Variants in KAZN observed in about 807,000 individuals in gnomAD.
The protein encoded by KAZN is kazrin, periplakin interacting protein, also known as kazrin.
In KAZN, 40 loss-of-function variants were observed where a neutral mutation model predicts 87.4. The observed-to-expected ratio is 0.46, with a 90% CI of 0.36 to 0.60. KAZN has a LOEUF of 0.60. Among genes scored for constraint, KAZN ranks in the 20% least tolerant of loss-of-function variants. KAZN has a pLI of 0.00. For missense variants in KAZN, 898 were observed against 1,073.9 expected, an observed-to-expected ratio of 0.84 and a Z score of 2.29; for synonymous variants, 466 against 458.3, an observed-to-expected ratio of 1.02 and a Z score of -0.22.
chr1:14,385,318 T>A (rs1334764961), intron 2 of KAZN, among the ~76,000 whole-genome samples: 3 of 152,240 alleles, frequency 2.0e-5, no homozygotes, highest in African/African-American at 2.4e-5. Flanking sequence ...TTCCTTCAGT[T>A]CTGCTCTGAT....
chr1:14,955,008 A>G (rs1404648420), intron 1 of KAZN, among the ~76,000 whole-genome samples: 1 of 152,210 alleles, frequency 6.6e-6, no homozygotes, highest in Non-Finnish European at 1.5e-5. Flanking sequence ...CAGTGCAGCT[A>G]TAGACCCTGC....
At chr1:14,847,665 T>G (rs957806144) in intron 1 of KAZN, among the ~76,000 whole-genome samples, 19 of 152,186 alleles carry the variant, frequency 1.2e-4, no homozygotes, top group African/African-American at 4.6e-4. Context: ...TTCCATTCAG[T>G]GCAGCATTCC....
chr1:14,135,013 A>ACACACACACACACACACACG, intron 1 of KAZN, among the ~76,000 whole-genome samples: 1 of 77,156 alleles, frequency 1.3e-5, no homozygotes, highest in East Asian at 8.5e-4. Flanking sequence ...ATGTGCACAC[A>ACACACACACACACACACACG]TGCACACATA....
rs1235984778 is a variant in KAZN at position 14,173,900 on chromosome 1, AAG to A, written c.92-6530_92-6529del. Among the ~76,000 whole-genome samples the A allele has an allele frequency of 2.6e-5, 4 of 152,304 alleles. No individual in the cohort carries two copies. In the East Asian group the frequency reaches 5.8e-4, roughly 22 times the overall value. On this transcript the variant is annotated intron_variant, in intron 1 of 16. Coordinates refer to the KAZN transcript ENST00000636203. ...CATGGAAAGAATGTTCCTACAAAAT[AAG>A]AGAGCTGCTTTTATTAGAAGAGGGA...
intron 13 of KAZN, among the ~76,000 whole-genome samples, chr1:15,109,969 TTGTA>T (rs1319041354): frequency 2.2e-5 from 3 of 135,802 alleles, no homozygotes; most frequent in Non-Finnish European, 4.9e-5. Context: ...ATATGTGTGT[TTGTA>T]TGTTTGTATG....
At chr1:14,393,924 T>C (rs1662670618) in intron 2 of KAZN, among the ~76,000 whole-genome samples, 1 of 151,634 alleles carries the variant, frequency 6.6e-6, no homozygotes, top group African/African-American at 2.4e-5. Flanking sequence ...TTTTTTAATG[T>C]AGTTGGAAAG....
intron 2 of KAZN, among the ~76,000 whole-genome samples, chr1:14,493,691 A>T (rs1456150703): frequency 6.6e-6 from 1 of 152,172 alleles, no homozygotes; most frequent in African/African-American, 2.4e-5. Context: ...ATCTTCTCCA[A>T]TTCCATGAAG....
chr1:14,194,274 GT>G (rs1646481788), intron 2 of KAZN, among the ~76,000 whole-genome samples: 2 of 152,144 alleles, frequency 1.3e-5, no homozygotes, highest in Admixed American at 6.6e-5. Context: ...TGTGGACAGA[GT>G]CATGCTGCTA....
chr1:14,278,655 T>C (rs1010299360), intron 2 of KAZN, among the ~76,000 whole-genome samples: 2 of 152,216 alleles, frequency 1.3e-5, no homozygotes, highest in African/African-American at 4.8e-5. Flanking sequence ...CATCATTTTT[T>C]ATCTGTTGAT....
chr1:13,899,044 T>C (rs1332489024), intron 1 of KAZN, among the ~76,000 whole-genome samples: 1 of 152,224 alleles, frequency 6.6e-6, no homozygotes, highest in Non-Finnish European at 1.5e-5. Flanking sequence ...TCCATGGGAA[T>C]GGGAGCACAG....
intron 4 of KAZN, among the ~76,000 whole-genome samples, chr1:15,049,100 C>CT (rs1674012516): frequency 7.8e-6 from 1 of 127,620 alleles, no homozygotes; most frequent in African/African-American, 3.7e-5. Flanking sequence ...GACGGCTTTG[C>CT]CGGGAGGCTT....
intron 1 of KAZN, among the ~76,000 whole-genome samples, chr1:14,695,989 C>CACA (rs1641582446): frequency 6.6e-6 from 1 of 152,176 alleles, no homozygotes; most frequent in East Asian, 1.9e-4. Context: ...CGTGTTGATA[C>CACA]ACAACATGTT....
At chr1:14,020,542 CTG>C (rs1553185827) in intron 1 of KAZN, among the ~76,000 whole-genome samples, 1 of 152,196 alleles carries the variant, frequency 6.6e-6, no homozygotes, top group Non-Finnish European at 1.5e-5. Context: ...TGCTGTAAAA[CTG>C]TGTTAAAGTG....
intron 1 of KAZN, among the ~76,000 whole-genome samples, chr1:14,775,735 C>T (rs1645156907): frequency 6.6e-6 from 1 of 152,224 alleles, no homozygotes; most frequent in South Asian, 2.1e-4. Flanking sequence ...TATCTTGAAG[C>T]AGGAGAAAGG....
intron 1 of KAZN, among the ~76,000 whole-genome samples, chr1:14,930,791 G>A (rs1659725295): frequency 6.6e-6 from 1 of 151,920 alleles, no homozygotes; most frequent in African/African-American, 2.4e-5. Context: ...AGAGTCACAG[G>A]ACTTTTCTTC....
At chr1:14,793,580 G>A (rs1405702469) in intron 1 of KAZN, among the ~76,000 whole-genome samples, 3 of 152,148 alleles carry the variant, frequency 2.0e-5, no homozygotes, top group African/African-American at 4.8e-5. Context: ...GGGTTATTGT[G>A]AGGATTAAGT....
Position 14,996,695 on chromosome 1 carries a change from G to A in KAZN, c.418+35820G>A, listed in dbSNP as rs147940125. Among the ~76,000 whole-genome samples, 143 of 152,274 alleles carry A rather than the reference G, an allele frequency of 9.4e-4. No homozygotes were observed. Among genetic ancestry groups the A allele is most frequent in the South Asian group, 2.1e-3 (10 of 4,824 alleles). On this transcript the variant is annotated intron_variant, in intron 2 of 14. Coordinates refer to ENST00000376030, the MANE Select transcript of KAZN (RefSeq NM_201628.3). This position sits in a 1 kb window ranked among gnomAD's most constrained non-coding sequence, Gnocchi z 5.9. ...TCCCCTACATTCTCTACGCACGACC[G>A]AGGGCCATTCTTCCCTCACTGCCGG...
chr1:15,078,968 G>A (rs1639879955), intron 8 of KAZN, among the ~76,000 whole-genome samples: 1 of 152,202 alleles, frequency 6.6e-6, no homozygotes, highest in Admixed American at 6.5e-5. Flanking sequence ...GCAATGCATA[G>A]TGAAAGCCGC....
chr1:14,729,961 C>T (rs1006212463), intron 1 of KAZN, among the ~76,000 whole-genome samples: 3 of 152,152 alleles, frequency 2.0e-5, no homozygotes, highest in African/African-American at 2.4e-5. Flanking sequence ...CACGCCCATT[C>T]GTTCCTGTAT....
Sources: allele counts gnomAD v4.1 joint callset (sites outside exome capture counted in the v4.1 genomes callset), GRCh38; gene constraint gnomAD v4.1.1; non-coding constraint Gnocchi (gnomAD v3.1); transcripts MANE v1.5; gene names NCBI Gene and HGNC (gene_info 2026-07-23, HGNC 2026-07-21).